RAPGEF5: variants seen among roughly 807,000 people sequenced by gnomAD.
RAPGEF5 encodes the protein M-Ras-regulated GEF.
A neutral mutation model predicts 125.2 loss-of-function variants in RAPGEF5; 65 were observed. The observed-to-expected ratio is 0.52, with a 90% CI of 0.43 to 0.64. The LOEUF (loss-of-function observed/expected upper bound fraction) is 0.64. RAPGEF5 is among the 30% of genes least tolerant of loss of function. RAPGEF5 has a pLI of 0.00. For synonymous variants in RAPGEF5, 391 were observed against 385.9 expected (o/e 1.01, Z -0.16); for missense variants, 958 against 1,048.1 (o/e 0.91, Z 1.19).
intron 11 of RAPGEF5, among the ~76,000 whole-genome samples, chr7:22,181,344 C>T (rs920553926): frequency 6.6e-5 from 10 of 152,144 alleles, no homozygotes; most frequent in Non-Finnish European, 1.0e-4. Flanking sequence ...CAGAAGCTTA[C>T]ATATACTCAT....
intron 9 of RAPGEF5, among the ~76,000 whole-genome samples, chr7:22,213,105 A>G (rs1785548373): frequency 6.6e-6 from 1 of 152,202 alleles, no homozygotes; most frequent in Non-Finnish European, 1.5e-5. Context: ...CACCGTCAAA[A>G]AATAGCATAA....
chr7:22,252,112 T>C (rs1786638397), intron 7 of RAPGEF5, among the ~76,000 whole-genome samples: 1 of 152,194 alleles, frequency 6.6e-6, no homozygotes, highest in Admixed American at 6.5e-5. Flanking sequence ...TCCCCCGCCT[T>C]ACACCCACCT....
chr7:22,140,097 G>A lies in RAPGEF5; in HGVS notation c.2205C>T (p.Asn735=), dbSNP rs1431385600. 5 of 1,560,252 alleles carry A rather than the reference G, an allele frequency of 3.2e-6. No homozygotes were observed. Among genetic ancestry groups the A allele is most frequent in the Non-Finnish European group, 4.3e-6 (5 of 1,151,776 alleles). ...TCACAATGGCAAAGAAAGAATTCAG[G>A]TTTCTCTGGGCTTTGCAGCTATAAA... ...KIAAHCKAQR[N]LNSFFAIVMG... Residue 735 remains asparagine (N), a synonymous_variant, in exon 21 of 26, where the codon AAC becomes AAT. Coordinates refer to ENST00000665637, the MANE Select transcript of RAPGEF5 (RefSeq NM_012294.5).
intron 6 of RAPGEF5, among the ~76,000 whole-genome samples, chr7:22,276,278 TGGA>T (rs1782553618): frequency 6.6e-6 from 1 of 152,190 alleles, no homozygotes; most frequent in Admixed American, 6.5e-5. Flanking sequence ...GATTCTCAGG[TGGA>T]TTTTCATGAT....
chr7:22,143,144 G>A (rs1335584207), intron 20 of RAPGEF5, among the ~76,000 whole-genome samples: 1 of 152,112 alleles, frequency 6.6e-6, no homozygotes, highest in Non-Finnish European at 1.5e-5. Flanking sequence ...TTACCCAAAA[G>A]AGCCTCACCT....
At chr7:22,283,631 C>T (rs1466981666) in intron 6 of RAPGEF5, among the ~76,000 whole-genome samples, 1 of 152,146 alleles carries the variant, frequency 6.6e-6, no homozygotes, top group African/African-American at 2.4e-5. Flanking sequence ...CACATTAACA[C>T]TTCACAAACC....
chr7:22,331,728 G>C (rs1243952089), intron 1 of RAPGEF5, among the ~76,000 whole-genome samples: 3 of 137,212 alleles, frequency 2.2e-5, no homozygotes, highest in East Asian at 2.1e-4. Context: ...CTGGGTGATA[G>C]AGCGAGACTC....
intron 2 of RAPGEF5, among the ~76,000 whole-genome samples, chr7:22,316,489 ATTTTTT>A (rs1174593478): frequency 1.2e-4 from 6 of 50,644 alleles, no homozygotes; most frequent in East Asian, 6.7e-4. Context: ...ATATATATAT[ATTTTTT>A]TTTTTTTTTT....
intron 23 of RAPGEF5, among the ~76,000 whole-genome samples, chr7:22,135,671 C>A (rs1033350837): frequency 6.6e-6 from 1 of 152,158 alleles, no homozygotes; most frequent in Non-Finnish European, 1.5e-5. Context: ...AAAAATAGAA[C>A]ATGATTGATC....
chr7:22,136,260 G>T lies in RAPGEF5; in HGVS notation c.2329-135C>A, dbSNP rs1259035289. On this transcript the variant is annotated intron_variant, in intron 22 of 25. Coordinates refer to ENST00000665637, the MANE Select transcript of RAPGEF5 (RefSeq NM_012294.5). ...TCCTCCTAAGAACAAAGTAGATAAA[G>T]GTTTCCTAGGAGAATAAACTCACTA... 3.1e-5 allele frequency: 18 copies of T among 579,454 alleles called. No homozygotes were observed. In the Admixed American group the frequency reaches 6.6e-4, roughly 21 times the overall value. The allele number at this position is 579,454 out of a possible 1,614,324, so 35.9% of individuals were successfully genotyped here.
In RAPGEF5 at chr7:22,316,690, G is replaced by A. The variant is rs1783607868; in HGVS notation, c.283-1214C>T. On this transcript the variant is annotated intron_variant, in intron 2 of 25. Coordinates refer to ENST00000665637, the MANE Select transcript of RAPGEF5 (RefSeq NM_012294.5). ...TTTTTGTTTTTTTTTGTAGAGACAG[G>A]TCTCCCTGTGCTGCTCAGGCTGGTC... is the stretch of plus-strand genomic sequence containing the variant. Among the ~76,000 whole-genome samples the A allele has an allele frequency of 2.0e-5, 3 of 150,400 alleles. 1 individual carries two copies. The South Asian group carries it at 6.3e-4, about 32-fold the overall frequency.
chr7:22,244,212 A>ATATATATACAATG (rs2128136792), intron 7 of RAPGEF5, among the ~76,000 whole-genome samples: 1 of 152,080 alleles, frequency 6.6e-6, no homozygotes, highest in Non-Finnish European at 1.5e-5. Context: ...GTATATACAT[A>ATATATATACAATG]TATATATACA....
intron 13 of RAPGEF5, among the ~76,000 whole-genome samples, chr7:22,161,196 G>C (rs1006604005): frequency 3.3e-5 from 5 of 152,034 alleles, no homozygotes; most frequent in Admixed American, 6.6e-5. Context: ...GCGACAGAGC[G>C]AGACTCCGTC....
Position 22,267,882 on chromosome 7 carries a change from G to A in RAPGEF5, c.748-870C>T, listed in dbSNP as rs577749632. On this transcript the variant is annotated intron_variant, in intron 6 of 25. Transcript: ENST00000665637. ...TGATGATGGGTTTTTTTTTTTCGGC[G>A]GGTGGGGGTATCAGGCAGCAGAATA... Among the ~76,000 whole-genome samples, 82 of 151,040 alleles carry A rather than the reference G, an allele frequency of 5.4e-4. 1 individual carries two copies. In the South Asian group the frequency reaches 0.014, roughly 26 times the overall value.
At chr7:22,282,687 C>G (rs1782701281) in intron 6 of RAPGEF5, among the ~76,000 whole-genome samples, 1 of 152,146 alleles carries the variant, frequency 6.6e-6, no homozygotes, top group Non-Finnish European at 1.5e-5. Flanking sequence ...TATCAAAATG[C>G]CTGTGCAAGG....
At chr7:22,153,033 T>C (rs1050426526) in intron 17 of RAPGEF5, among the ~76,000 whole-genome samples, 2 of 152,170 alleles carry the variant, frequency 1.3e-5, no homozygotes, top group East Asian at 1.9e-4. Flanking sequence ...CAAATAGATA[T>C]TGGGTAGTGA....
At chr7:22,326,032 T>C (rs1783807847) in intron 1 of RAPGEF5, among the ~76,000 whole-genome samples, 1 of 152,180 alleles carries the variant, frequency 6.6e-6, no homozygotes, top group Admixed American at 6.5e-5. Flanking sequence ...GTGAAAGAAA[T>C]AAACCTTGGA....
chr7:22,285,251 G>T (rs1413381117), intron 6 of RAPGEF5, among the ~76,000 whole-genome samples: 1 of 152,166 alleles, frequency 6.6e-6, no homozygotes, highest in Non-Finnish European at 1.5e-5. Flanking sequence ...TCTACCAAAT[G>T]TGTCTCATTT....
chr7:22,333,477 T>G (rs1244739001), intron 1 of RAPGEF5, among the ~76,000 whole-genome samples: 1 of 152,180 alleles, frequency 6.6e-6, no homozygotes, highest in East Asian at 1.9e-4. Flanking sequence ...AACAAAAGAA[T>G]GGACAGCTGT....
Sources: gnomAD v4.1 joint callset for allele counts (sites outside exome capture counted in the v4.1 genomes callset) on GRCh38, gnomAD v4.1.1 for gene constraint, MANE v1.5 for transcripts, NCBI Gene and HGNC (gene_info 2026-07-23, HGNC 2026-07-21) for gene names.